Variants in DCC observed in about 807,000 individuals in gnomAD.
DCC encodes netrin receptor DCC.
A neutral mutation model predicts 172.5 loss-of-function variants in DCC; 58 were observed. The ratio of observed to expected loss-of-function variants is 0.34; its 90% CI spans 0.27 to 0.42. The LOEUF (loss-of-function observed/expected upper bound fraction) is 0.42. Ranked by LOEUF, DCC falls within the 10% of genes least tolerant of loss-of-function variation. The probability of loss-of-function intolerance (pLI) is 1.00; values close to 1 mark genes in which losing one functional copy is unlikely to be tolerated. For missense variants in DCC, 1,740 were observed against 1,791.0 expected (o/e 0.97, Z 0.51); for synonymous variants, 709 against 644.5 (o/e 1.10, Z -1.52).
chr18:52,449,554 TAAC>T (rs1481302226), intron 1 of DCC, among the ~76,000 whole-genome samples: 8 of 152,188 alleles, frequency 5.3e-5, no homozygotes, highest in Non-Finnish European at 1.2e-4. Context: ...GAAAGGGAGA[TAAC>T]AATGAAACGA....
chr18:53,008,025 C>T (rs55749022), intron 5 of DCC, among the ~76,000 whole-genome samples: 3 of 151,886 alleles, frequency 2.0e-5, no homozygotes, highest in African/African-American at 7.3e-5. Context: ...AGAGATTTTA[C>T]TATTCCAAGA....
intron 1 of DCC, among the ~76,000 whole-genome samples, chr18:52,378,094 A>G (rs1370162226): frequency 6.6e-6 from 1 of 152,022 alleles, no homozygotes. Context: ...CATGTAGACT[A>G]TCTGTGAAGC....
intron 1 of DCC, among the ~76,000 whole-genome samples, chr18:52,365,522 T>TGGG (rs35678588): frequency 2.0e-5 from 3 of 151,724 alleles, no homozygotes; most frequent in African/African-American, 7.3e-5. Flanking sequence ...GCCAATTGCT[T>TGGG]GGGTGGGGTT....
At chr18:52,947,825 G>A (rs532038438) in intron 5 of DCC, among the ~76,000 whole-genome samples, 4 of 152,220 alleles carry the variant, frequency 2.6e-5, no homozygotes, top group South Asian at 2.1e-4. Flanking sequence ...GACATTGCAC[G>A]TTCAAGAATC....
At chr18:53,171,272 C>T (rs2055009769) in intron 8 of DCC, among the ~76,000 whole-genome samples, 1 of 152,164 alleles carries the variant, frequency 6.6e-6, no homozygotes, top group South Asian at 2.1e-4. Flanking sequence ...TAGATTAAAC[C>T]ATGGTTTAAA....
At chr18:53,336,241 C>T (rs1395241882) in intron 14 of DCC, among the ~76,000 whole-genome samples, 1 of 152,136 alleles carries the variant, frequency 6.6e-6, no homozygotes, top group East Asian at 1.9e-4. Context: ...AGACTCCAAG[C>T]AAGTAATAGT....
chr18:52,387,978 A>G lies in DCC; in HGVS notation c.91+47100A>G, dbSNP rs73955616. On this transcript the variant is annotated intron_variant, in intron 1 of 28. Transcript: ENST00000442544. The stretch of plus-strand genomic sequence containing the variant: ...CAGAGTTGACCCTTGACAACCCTGG[A>G]GGGTGTTCTTCAGCATGGCACATGC... 3.5e-3 allele frequency among the ~76,000 whole-genome samples: 530 copies of G among 152,120 alleles called. 6 individuals carry two copies. The highest frequency in any genetic ancestry group is 0.012 in the African/African-American group (502 of 41,464).
At chr18:52,479,107 C>T (rs1056462562) in intron 1 of DCC, among the ~76,000 whole-genome samples, 1 of 93,762 alleles carries the variant, frequency 1.1e-5, no homozygotes, top group Admixed American at 9.7e-5. Flanking sequence ...GTAACTACCT[C>T]ATAGACTTGT....
chr18:52,604,458 T>C (rs74936638), intron 1 of DCC, among the ~76,000 whole-genome samples: 33 of 152,308 alleles, frequency 2.2e-4, no homozygotes, highest in African/African-American at 6.0e-4. Context: ...GTTGCTGTAA[T>C]TTTATTTAAG....
chr18:52,455,310 G>C (rs1988425360), intron 1 of DCC, among the ~76,000 whole-genome samples: 1 of 152,112 alleles, frequency 6.6e-6, no homozygotes, highest in Non-Finnish European at 1.5e-5. Context: ...TTTGCTGCAA[G>C]TCTTTTATTT....
chr18:52,398,598 GA>G (rs1184518245), intron 1 of DCC, among the ~76,000 whole-genome samples: 1 of 151,860 alleles, frequency 6.6e-6, no homozygotes, highest in African/African-American at 2.4e-5. Context: ...AGAATACAGA[GA>G]GGCAACATAT....
chr18:52,360,200 T>A (rs1984558127), intron 1 of DCC, among the ~76,000 whole-genome samples: 1 of 152,254 alleles, frequency 6.6e-6, no homozygotes, highest in South Asian at 2.1e-4. Context: ...ACTTCTAGAT[T>A]ATTGAGTATA....
intron 7 of DCC, among the ~76,000 whole-genome samples, chr18:53,066,769 A>G (rs2042576678): frequency 1.3e-5 from 2 of 151,984 alleles, no homozygotes; most frequent in Admixed American, 1.3e-4. Context: ...GAGACTGGGT[A>G]ATTTATAAAG....
At chr18:53,353,616 T>C (rs955143202) in intron 15 of DCC, among the ~76,000 whole-genome samples, 7 of 152,156 alleles carry the variant, frequency 4.6e-5, no homozygotes, top group African/African-American at 1.7e-4. Flanking sequence ...ATCTTTGTTA[T>C]GTGTGAAAAA....
chr18:52,340,833 G>A lies in DCC; in HGVS notation c.46G>A (p.Val16Ile), dbSNP rs1450606224. The change falls in exon 1 of 29, where the codon GTA becomes ATA. Residue 16 changes from valine (V) to isoleucine (I), a missense_variant. Physicochemically the swap from Val to Ile is conservative, Grantham distance 29. This residue lies in a region of DCC where 1,732 missense variants were observed against 1,767.4 expected (regional missense o/e 0.98). Transcript: ENST00000442544. ...RCVWVPKLAFVLFGASLFSAH... is the reference protein window; with the variant it reads ...RCVWVPKLAFILFGASLFSAH... ...TGTTTGGGTACCCAAGCTGGCTTTT[G>A]TACTCTTCGGAGCTTCCTTGTTCAG... 1 of 1,614,012 alleles carries A rather than the reference G, an allele frequency of 6.2e-7. No homozygotes were observed. Among genetic ancestry groups the A allele is most frequent in the Non-Finnish European group, 8.5e-7 (1 of 1,180,014 alleles).
At chr18:52,963,238 G>C (rs1488572314) in intron 5 of DCC, among the ~76,000 whole-genome samples, 1 of 151,072 alleles carries the variant, frequency 6.6e-6, no homozygotes, top group African/African-American at 2.4e-5. Flanking sequence ...TTTATCTAAA[G>C]ATCTTTAAGT....
intron 2 of DCC, among the ~76,000 whole-genome samples, chr18:52,787,901 A>G (rs1459628705): frequency 6.6e-6 from 1 of 152,136 alleles, no homozygotes; most frequent in African/African-American, 2.4e-5. Context: ...TAGTTTATTA[A>G]TGTTAACCCC....
intron 22 of DCC, among the ~76,000 whole-genome samples, chr18:53,443,353 A>G (rs958026288): frequency 2.0e-5 from 3 of 152,222 alleles, no homozygotes; most frequent in African/African-American, 7.2e-5. Flanking sequence ...ATGGTGCAAC[A>G]AAGTCTGGTT....
chr18:53,038,899 T>TAA (rs113876592), intron 5 of DCC, among the ~76,000 whole-genome samples: 4 of 145,320 alleles, frequency 2.8e-5, no homozygotes, highest in Admixed American at 2.1e-4. Context: ...AGAAATGCAT[T>TAA]AAAAAAAAAA....
Sources: allele counts gnomAD v4.1 joint callset (sites outside exome capture counted in the v4.1 genomes callset), GRCh38; gene constraint gnomAD v4.1.1; regional missense constraint gnomAD v4.1.1; transcripts MANE v1.5; gene names NCBI Gene and HGNC (gene_info 2026-07-23, HGNC 2026-07-21).